ADARB2: variants seen among roughly 807,000 people sequenced by gnomAD.
ADARB2 encodes the protein adenosine deaminase RNA specific B2 (inactive), also known as inactive double-stranded RNA-specific editase B2.
A neutral mutation model predicts 62.2 loss-of-function variants in ADARB2; 25 were observed. The ratio of observed to expected loss-of-function variants is 0.40; its 90% CI spans 0.29 to 0.56. The LOEUF (loss-of-function observed/expected upper bound fraction) is 0.56. Ranked by LOEUF, ADARB2 falls within the 20% of genes least tolerant of loss-of-function variation. The probability of loss-of-function intolerance (pLI) is 0.43; values close to 1 mark genes in which losing one functional copy is unlikely to be tolerated. For missense variants in ADARB2, 1,071 were observed against 1,077.4 expected (o/e 0.99, Z 0.08); for synonymous variants, 572 against 500.8 (o/e 1.14, Z -1.90).
intron 1 of ADARB2, among the ~76,000 whole-genome samples, chr10:1,502,194 G>T (rs1420039213): frequency 6.6e-6 from 1 of 152,252 alleles, no homozygotes; most frequent in Non-Finnish European, 1.5e-5. Context: ...CAGCCTCAGT[G>T]GGGGCCCGGC....
At position 1,306,911 on chromosome 10, in the gene ADARB2, C is replaced by T. The variant is rs558816349; in HGVS notation, c.1078-35842G>A. ...AAGCTGAAACTGGATCCCTTCCTTA[C>T]ACCTTATACAAAAATCAATTCAAGA... On this transcript the variant is annotated intron_variant, in intron 3 of 9. Transcript: ENST00000381312. Among the ~76,000 whole-genome samples the T allele has an allele frequency of 1.1e-3, 166 of 146,200 alleles. 1 individual carries two copies. Among genetic ancestry groups the T allele is most frequent in the African/African-American group, 3.9e-3 (156 of 40,506 alleles).
intron 6 of ADARB2, among the ~76,000 whole-genome samples, chr10:1,219,369 TTGTC>T (rs1374903329): frequency 6.6e-6 from 1 of 152,256 alleles, no homozygotes. Context: ...TATTTTCTAA[TTGTC>T]TGTAAGAGCT....
At chr10:1,184,590 G>A (rs1167868657) in intron 9 of ADARB2, among the ~76,000 whole-genome samples, 1 of 152,222 alleles carries the variant, frequency 6.6e-6, no homozygotes, top group African/African-American at 2.4e-5. Flanking sequence ...AGGTGGTGCC[G>A]TGCCGGCTCC....
intron 1 of ADARB2, among the ~76,000 whole-genome samples, chr10:1,697,083 G>A (rs933373842): frequency 1.3e-5 from 2 of 152,034 alleles, no homozygotes; most frequent in East Asian, 3.9e-4. Flanking sequence ...GGACACCCCT[G>A]ATCTAAAGGT....
intron 3 of ADARB2, among the ~76,000 whole-genome samples, chr10:1,309,090 C>T (rs1831660282): frequency 6.6e-6 from 1 of 152,296 alleles, no homozygotes; most frequent in Non-Finnish European, 1.5e-5. Flanking sequence ...CAGCAAACCA[C>T]ACAGACATTT....
intron 3 of ADARB2, among the ~76,000 whole-genome samples, chr10:1,336,134 C>T (rs1221854955): frequency 6.6e-6 from 1 of 152,206 alleles, no homozygotes; most frequent in Non-Finnish European, 1.5e-5. Flanking sequence ...AGCATCTATT[C>T]TTCTCACAGT....
intron 1 of ADARB2, among the ~76,000 whole-genome samples, chr10:1,476,768 C>T (rs1831406145): frequency 1.3e-5 from 2 of 152,258 alleles, no homozygotes; most frequent in South Asian, 4.2e-4. Flanking sequence ...CAGAGGCGTC[C>T]CCGTGCATCC....
intron 1 of ADARB2, among the ~76,000 whole-genome samples, chr10:1,548,815 G>A (rs920197918): frequency 6.6e-6 from 1 of 152,238 alleles, no homozygotes; most frequent in Admixed American, 6.5e-5. Flanking sequence ...AGGACACCTG[G>A]CGAGTTAGGA....
chr10:1,617,128 T>A (rs111255334), intron 1 of ADARB2, among the ~76,000 whole-genome samples: 1 of 99,784 alleles, frequency 1.0e-5, no homozygotes, highest in East Asian at 3.4e-4. Flanking sequence ...AGACACACTC[T>A]GCACTGCCCT....
intron 3 of ADARB2, among the ~76,000 whole-genome samples, chr10:1,272,520 C>T (rs78655134): frequency 2.6e-4 from 40 of 152,344 alleles, no homozygotes; most frequent in African/African-American, 8.2e-4. Flanking sequence ...GTGCAGGGCC[C>T]GGCGCAGTCT....
At chr10:1,499,129 C>T (rs1198940126) in intron 1 of ADARB2, among the ~76,000 whole-genome samples, 3 of 151,882 alleles carry the variant, frequency 2.0e-5, no homozygotes, top group African/African-American at 4.8e-5. Context: ...ACTTATTCAT[C>T]ACTCATCACT....
chr10:1,615,036 C>T (rs1833615189), intron 1 of ADARB2, among the ~76,000 whole-genome samples: 1 of 152,124 alleles, frequency 6.6e-6, no homozygotes, highest in Non-Finnish European at 1.5e-5. Context: ...CCTCGGTCTA[C>T]TGAGAAGTGT....
chr10:1,445,148 CATCT>C (rs1319763134), intron 1 of ADARB2, among the ~76,000 whole-genome samples: 22 of 149,746 alleles, frequency 1.5e-4, no homozygotes, highest in East Asian at 1.0e-3. Flanking sequence ...ATTCACTCAC[CATCT>C]ATCTATCTAC....
chr10:1,637,962 A>G (rs1376500200), intron 1 of ADARB2, among the ~76,000 whole-genome samples: 1 of 152,222 alleles, frequency 6.6e-6, no homozygotes, highest in Non-Finnish European at 1.5e-5. Flanking sequence ...GTGAGAATGA[A>G]CAGTTGGAGC....
At chr10:1,396,024 G>A (rs996417043) in intron 1 of ADARB2, among the ~76,000 whole-genome samples, 1 of 152,176 alleles carries the variant, frequency 6.6e-6, no homozygotes, top group South Asian at 2.1e-4. Flanking sequence ...CTTCAGCACT[G>A]GTCCAAATGC....
chr10:1,418,696 T>C (rs1438519899), intron 1 of ADARB2, among the ~76,000 whole-genome samples: 1 of 152,186 alleles, frequency 6.6e-6, no homozygotes, highest in African/African-American at 2.4e-5. Context: ...ATCCAGACTA[T>C]TTCCTCCTCA....
At chr10:1,549,140 G>T (rs369778465) in intron 1 of ADARB2, among the ~76,000 whole-genome samples, 2 of 151,554 alleles carry the variant, frequency 1.3e-5, no homozygotes, top group African/African-American at 4.9e-5. Flanking sequence ...GAAACACTAG[G>T]GGGGAATCAC....
At chr10:1,582,453 G>A (rs575006412) in intron 1 of ADARB2, among the ~76,000 whole-genome samples, 1 of 152,292 alleles carries the variant, frequency 6.6e-6, no homozygotes, top group East Asian at 1.9e-4. Context: ...GGTTTCCCTG[G>A]CAGTGTCAGA....
At chr10:1,530,948 T>C (rs1296378528) in intron 1 of ADARB2, among the ~76,000 whole-genome samples, 13 of 149,156 alleles carry the variant, frequency 8.7e-5, no homozygotes, top group Admixed American at 2.7e-4. Flanking sequence ...CAGGTCTCAG[T>C]ACTCAGCACG....
Sources: gnomAD v4.1 joint callset for allele counts (sites outside exome capture counted in the v4.1 genomes callset) on GRCh38, gnomAD v4.1.1 for gene constraint, MANE v1.5 for transcripts, NCBI Gene and HGNC (gene_info 2026-07-23, HGNC 2026-07-21) for gene names.